The following PHKA1 variants were observed in gnomAD, a reference collection of about 807,000 sequenced individuals.
The protein encoded by PHKA1 is phosphorylase kinase regulatory subunit alpha 1.
PHKA1 carries 60 observed loss-of-function variants against 110.2 expected under a neutral mutation model. The observed-to-expected ratio is 0.54, with a 90% CI of 0.44 to 0.68. The LOEUF (loss-of-function observed/expected upper bound fraction) is 0.68, where lower values mean the gene tolerates loss of function less well. PHKA1 is among the 30% of genes least tolerant of loss of function. The pLI is 0.00. For missense variants in PHKA1, 801 were observed against 942.5 expected (o/e 0.85, Z 1.97); for synonymous variants, 316 against 333.6 (o/e 0.95, Z 0.58).
In PHKA1 at chrX:72,629,053, T is replaced by C. The variant is rs1341462633; in HGVS notation, c.1715-2004A>G. Among the ~76,000 whole-genome samples, 6 of 111,926 alleles carry C rather than the reference T, an allele frequency of 5.4e-5. No individual in the cohort carries two copies. In the Admixed American group the frequency reaches 5.7e-4, roughly 11 times the overall value. On this transcript the variant is annotated intron_variant, in intron 16 of 31. Transcript: ENST00000373542. ...ATTTGAAATTCTATCTTCATCATTG[T>C]TTTAATTACAATGGATCTTTCACTT...
intron 4 of PHKA1, among the ~76,000 whole-genome samples, chrX:72,686,924 T>C (rs930042063): frequency 8.9e-6 from 1 of 112,216 alleles, no homozygotes; most frequent in South Asian, 3.7e-4. Context: ...AAAGAAATTC[T>C]ACAGTTTATA....
chrX:72,711,291 T>C (rs189947696), intron 2 of PHKA1, among the ~76,000 whole-genome samples: 1 of 112,268 alleles, frequency 8.9e-6, no homozygotes, highest in Non-Finnish European at 1.9e-5. Context: ...TCTACTGATA[T>C]TAATTTCTAG....
chrX:72,688,382 C>G (rs2053993813), intron 4 of PHKA1, among the ~76,000 whole-genome samples: 1 of 112,070 alleles, frequency 8.9e-6, no homozygotes, highest in South Asian at 3.7e-4. Flanking sequence ...CATGGGACAT[C>G]AGCTTCATAG....
intron 8 of PHKA1, among the ~76,000 whole-genome samples, chrX:72,659,538 C>G (rs868940663): frequency 4.7e-5 from 5 of 106,873 alleles, no homozygotes; most frequent in African/African-American, 1.9e-4. Flanking sequence ...CACACAGACA[C>G]ACACACATAC....
Position 72,603,201 on chromosome X carries a change from G to A in PHKA1, c.2835C>T (p.Gly945=), listed in dbSNP as rs782455291. Residue 945 remains glycine (G), a synonymous_variant, in exon 26 of 32, where the codon GGC becomes GGT. Transcript: ENST00000373542. ...LRCSAEEATE[G]LMNLSPSAMK... is the part of the protein sequence containing the mutation. The stretch of plus-strand genomic sequence containing the variant: ...TGGCCGAAGGACTGAGATTCATCAG[G>A]CCCTCTGTGGCTTCCTCAGCTAGTC... The A allele has an allele frequency of 3.3e-6, 4 of 1,195,525 alleles. No individual in the cohort carries two copies. The South Asian group carries it at 7.1e-5, about 21-fold the overall frequency.
chrX:72,655,878 C>T (rs2053490806), intron 10 of PHKA1, among the ~76,000 whole-genome samples: 1 of 112,319 alleles, frequency 8.9e-6, no homozygotes, highest in African/African-American at 3.2e-5. Context: ...CCTCGGCCTC[C>T]CAAAGTGCTG....
At chrX:72,688,087 A>C (rs1319924137) in intron 4 of PHKA1, among the ~76,000 whole-genome samples, 2 of 111,194 alleles carry the variant, frequency 1.8e-5, no homozygotes, top group African/African-American at 6.6e-5. Flanking sequence ...TAAGCCTCCC[A>C]AAGTGCTGGG....
intron 23 of PHKA1, among the ~76,000 whole-genome samples, chrX:72,606,926 T>C (rs1046151790): frequency 3.6e-5 from 4 of 111,536 alleles, no homozygotes; most frequent in African/African-American, 1.3e-4. Flanking sequence ...CTCCATGAGT[T>C]CAATTGTTTT....
In PHKA1 at chrX:72,713,885, A is replaced by G. The variant is rs1556335966; in HGVS notation, c.-5T>C. 8.4e-7 allele frequency: 1 copy of G among 1,190,273 alleles called. No individual in the cohort carries two copies. The stretch of plus-strand genomic sequence containing the variant: ...GGAGTTACTCCGGCTCCTCATGGCG[A>G]CACGTTACTAATTGTCCTCTGAGAA... On this transcript the variant is annotated 5_prime_UTR_variant, in exon 1 of 32. Transcript: ENST00000373542.
At chrX:72,617,376 C>T (rs951697385) in intron 21 of PHKA1, among the ~76,000 whole-genome samples, 9 of 110,575 alleles carry the variant, frequency 8.1e-5, no homozygotes, top group South Asian at 3.9e-4. Context: ...AACATTTAGC[C>T]GGACATGGTG....
intron 5 of PHKA1, 110 bp from the exon 6 acceptor site, chrX:72,676,260 C>CATAT (rs376378016): frequency 2.3e-4 from 102 of 450,456 alleles, no homozygotes; most frequent in African/African-American, 1.9e-3. Context: ...ACTAATTTGC[C>CATAT]ATATATATAT....
intron 15 of PHKA1, 32 bp downstream of exon 15, chrX:72,636,245 T>C (rs2053228406): frequency 2.4e-6 from 2 of 848,083 alleles, no homozygotes; most frequent in Non-Finnish European, 3.5e-6. Flanking sequence ...TTTCCATTCA[T>C]CTCAATGCAC....
chrX:72,590,108 G>A (rs191321951), intron 29 of PHKA1, among the ~76,000 whole-genome samples: 27 of 111,611 alleles, frequency 2.4e-4, no homozygotes, highest in African/African-American at 6.2e-4. Flanking sequence ...AAAAGAGCCC[G>A]CATTGCCAAG....
intron 4 of PHKA1, among the ~76,000 whole-genome samples, chrX:72,687,262 C>CAT (rs1358042256): frequency 1.8e-5 from 2 of 111,261 alleles, no homozygotes; most frequent in African/African-American, 6.5e-5. Flanking sequence ...TTGGTATATA[C>CAT]ATATATATAC....
At chrX:72,650,931 G>A (rs1369450398) in intron 12 of PHKA1, among the ~76,000 whole-genome samples, 3 of 111,644 alleles carry the variant, frequency 2.7e-5, no homozygotes, top group Non-Finnish European at 5.6e-5. Flanking sequence ...TGTTGCCCAG[G>A]CTGGTCTCCT....
rs1556272924 is a variant in PHKA1 at position 72,618,824 on chromosome X, T to C, written c.2255A>G (p.His752Arg). ...NQVPSVRVEI[H>R]LPRDQSGEVD... Reference sequence around the variant, plus strand: ...CTCCCCAGACTGGTCTCTAGGAAGATGTATTTCTACACGAACAGAGGGAAC... The same window carrying C: ...CTCCCCAGACTGGTCTCTAGGAAGACGTATTTCTACACGAACAGAGGGAAC... Residue 752 changes from histidine (H) to arginine (R), a missense_variant, in exon 21 of 32, where the codon CAT becomes CGT. Around this residue, in one of 2 missense-constraint regions of PHKA1, gnomAD observed 502 missense variants for 519.2 expected, o/e 0.97. Coordinates refer to ENST00000373542, the MANE Select transcript of PHKA1 (RefSeq NM_002637.4). The C allele has an allele frequency of 8.3e-7, 1 of 1,205,043 alleles. No individual in the cohort carries two copies. The highest frequency in any genetic ancestry group is 1.8e-5 in the South Asian group (1 of 56,827).
intron 15 of PHKA1, 106 bp from the exon 16 acceptor site, chrX:72,635,405 C>T: frequency 1.4e-6 from 1 of 704,327 alleles, no homozygotes; most frequent in Non-Finnish European, 2.2e-6. Context: ...TGTCACAGGG[C>T]AATGATACCC....
chrX:72,695,926 A>C, intron 3 of PHKA1, 50 bp from the exon 4 acceptor site: 1 of 998,436 alleles, frequency 1.0e-6, no homozygotes, highest in South Asian at 1.9e-5. Flanking sequence ...AAATCAACCC[A>C]TATGCCACAC....
intron 29 of PHKA1, among the ~76,000 whole-genome samples, chrX:72,590,062 T>A (rs1363999923): frequency 9.0e-6 from 1 of 111,406 alleles, no homozygotes; most frequent in African/African-American, 3.3e-5. Flanking sequence ...TTCACAGAAT[T>A]GGAAAAAAAC....
Sources: allele counts gnomAD v4.1 joint callset (sites outside exome capture counted in the v4.1 genomes callset), GRCh38; gene constraint gnomAD v4.1.1; regional missense constraint gnomAD v4.1.1; transcripts MANE v1.5; gene names NCBI Gene and HGNC (gene_info 2026-07-23, HGNC 2026-07-21).